The following AUTS2 variants were observed in gnomAD, a reference collection of about 807,000 sequenced individuals.
The protein encoded by AUTS2 is autism susceptibility gene 2 protein.
In AUTS2, 17 loss-of-function variants were observed where a neutral mutation model predicts 112.4. The ratio of observed to expected loss-of-function variants is 0.15; its 90% CI spans 0.10 to 0.23. The LOEUF (loss-of-function observed/expected upper bound fraction) is 0.23. Among genes scored for constraint, AUTS2 ranks in the 10% least tolerant of loss-of-function variants. The pLI is 1.00. For missense variants in AUTS2, 1,510 were observed against 1,701.6 expected, an observed-to-expected ratio of 0.89 and a Z score of 1.98; for synonymous variants, 751 against 702.7, an observed-to-expected ratio of 1.07 and a Z score of -1.09.
At chr7:70,509,125 C>T (rs1194573168) in intron 5 of AUTS2, among the ~76,000 whole-genome samples, 2 of 152,232 alleles carry the variant, frequency 1.3e-5, no homozygotes, top group Non-Finnish European at 2.9e-5. Context: ...GTGCATTACA[C>T]TTTCTTTCTT....
chr7:70,386,739 A>G (rs146237328), intron 4 of AUTS2, among the ~76,000 whole-genome samples: 277 of 152,172 alleles, frequency 1.8e-3, no homozygotes, highest in African/African-American at 6.5e-3. Context: ...TTTTACCTAC[A>G]TTACCCTTCT....
intron 5 of AUTS2, among the ~76,000 whole-genome samples, chr7:70,493,810 ATTTAT>A (rs1477302481): frequency 2.6e-5 from 4 of 152,166 alleles, no homozygotes; most frequent in African/African-American, 9.6e-5. Context: ...CAAAAAAGAT[ATTTAT>A]TTTATATCTT....
At chr7:69,988,921 C>T (rs757750238) in intron 2 of AUTS2, among the ~76,000 whole-genome samples, 9 of 151,818 alleles carry the variant, frequency 5.9e-5, no homozygotes, top group Admixed American at 6.6e-5. Flanking sequence ...GCAGGGAGGA[C>T]GGGTGGAGTG....
chr7:69,611,712 C>T (rs1004093340), intron 1 of AUTS2, among the ~76,000 whole-genome samples: 7 of 151,470 alleles, frequency 4.6e-5, no homozygotes, highest in African/African-American at 1.5e-4. Flanking sequence ...GGGTGGATCA[C>T]GAGGTCAGGA....
At chr7:69,895,542 T>TGC (rs1794705225) in intron 1 of AUTS2, among the ~76,000 whole-genome samples, 1 of 119,532 alleles carries the variant, frequency 8.4e-6, no homozygotes, top group Non-Finnish European at 1.8e-5. Flanking sequence ...CTCTCTCTTC[T>TGC]TCCCCCCCCC....
At chr7:70,771,727 T>C (rs932950925) in intron 11 of AUTS2, 83 bp downstream of exon 11, 38 of 1,250,684 alleles carry the variant, frequency 3.0e-5, no homozygotes, top group Non-Finnish European at 4.2e-5. Flanking sequence ...CTGCGTCCTC[T>C]TGCCTGTGCA....
At chr7:69,735,393 G>A (rs944256628) in intron 1 of AUTS2, among the ~76,000 whole-genome samples, 14 of 152,144 alleles carry the variant, frequency 9.2e-5, no homozygotes, top group East Asian at 1.9e-4. Flanking sequence ...AGAGCAGACC[G>A]GGGACTGATG....
intron 5 of AUTS2, among the ~76,000 whole-genome samples, chr7:70,496,618 C>T (rs1407594617): frequency 3.6e-5 from 5 of 140,344 alleles, no homozygotes; most frequent in Non-Finnish European, 6.1e-5. Context: ...ACTCACACCA[C>T]GTACACAGGC....
chr7:70,744,171 C>T (rs1472030459), intron 6 of AUTS2, among the ~76,000 whole-genome samples: 1 of 152,140 alleles, frequency 6.6e-6, no homozygotes, highest in Non-Finnish European at 1.5e-5. Context: ...CAACTGCAAT[C>T]GTTTGTCCAA....
At chr7:70,789,266 C>A (rs1359475631) in intron 18 of AUTS2, among the ~76,000 whole-genome samples, 1 of 152,196 alleles carries the variant, frequency 6.6e-6, no homozygotes, top group Non-Finnish European at 1.5e-5. Context: ...TTCTGTGACA[C>A]TGATGTTGAA....
chr7:70,130,334 T>C (rs1464094773), intron 3 of AUTS2, among the ~76,000 whole-genome samples: 2 of 152,148 alleles, frequency 1.3e-5, no homozygotes, highest in Non-Finnish European at 2.9e-5. Flanking sequence ...GGATAATCAA[T>C]TTTGAAATCC....
intron 4 of AUTS2, among the ~76,000 whole-genome samples, chr7:70,309,232 C>T (rs1282643697): frequency 6.6e-6 from 1 of 152,178 alleles, no homozygotes; most frequent in Non-Finnish European, 1.5e-5. Context: ...TATTAATTTA[C>T]ACATAGCCTT....
intron 4 of AUTS2, among the ~76,000 whole-genome samples, chr7:70,218,284 T>G (rs1811279921): frequency 6.6e-6 from 1 of 152,148 alleles, no homozygotes; most frequent in Non-Finnish European, 1.5e-5. Context: ...GACATCTTAC[T>G]TTTTTTTCTT....
chr7:70,301,855 C>T (rs1345502928), intron 4 of AUTS2, among the ~76,000 whole-genome samples: 1 of 152,040 alleles, frequency 6.6e-6, no homozygotes, highest in Non-Finnish European at 1.5e-5. Context: ...GCCTCCCAGG[C>T]TCAAGCAATC....
chr7:69,854,803 G>C (rs952376261), intron 1 of AUTS2, among the ~76,000 whole-genome samples: 1 of 152,076 alleles, frequency 6.6e-6, no homozygotes, highest in Non-Finnish European at 1.5e-5. Context: ...GTGTTTCTTT[G>C]TTCTTGTAAT....
intron 1 of AUTS2, among the ~76,000 whole-genome samples, chr7:69,789,040 A>G (rs1789501096): frequency 6.6e-6 from 1 of 152,188 alleles, no homozygotes. Flanking sequence ...TCTTTAGGCA[A>G]GGAGTATTAA....
At chr7:70,275,829 C>T (rs1216007073) in intron 4 of AUTS2, among the ~76,000 whole-genome samples, 1 of 152,218 alleles carries the variant, frequency 6.6e-6, no homozygotes, top group African/African-American at 2.4e-5. Flanking sequence ...GCTTCCCCTT[C>T]TGCCATGATC....
intron 4 of AUTS2, among the ~76,000 whole-genome samples, chr7:70,383,618 C>G (rs998068025): frequency 1.3e-5 from 2 of 152,188 alleles, no homozygotes; most frequent in African/African-American, 4.8e-5. Flanking sequence ...ACTAATTAGC[C>G]AGAGCATTCC....
intron 2 of AUTS2, among the ~76,000 whole-genome samples, chr7:69,992,028 A>AT (rs2129551594): frequency 6.6e-6 from 1 of 152,322 alleles, no homozygotes; most frequent in Admixed American, 6.5e-5. Context: ...TTAGGCAAGA[A>AT]TATCAGGTGT....
Sources: allele counts gnomAD v4.1 joint callset (sites outside exome capture counted in the v4.1 genomes callset), GRCh38; gene constraint gnomAD v4.1.1; transcripts MANE v1.5; gene names NCBI Gene and HGNC (gene_info 2026-07-23, HGNC 2026-07-21).